Variants in NCAM2 observed in about 807,000 individuals in gnomAD.
The protein encoded by NCAM2 is N-CAM-2.
Under a neutral mutation model 98.1 loss-of-function variants are expected in NCAM2, and 30 were observed. The ratio of observed to expected loss-of-function variants is 0.31; its 90% confidence interval spans 0.23 to 0.41. The LOEUF (loss-of-function observed/expected upper bound fraction) is 0.41. NCAM2 is among the 10% of genes least tolerant of loss of function. NCAM2 has a pLI of 1.00. For missense variants in NCAM2, 867 were observed against 1,005.8 expected (o/e 0.86, Z 1.87); for synonymous variants, 368 against 342.4 (o/e 1.07, Z -0.83).
intron 1 of NCAM2, among the ~76,000 whole-genome samples, chr21:21,277,760 T>C (rs1031094558): frequency 1.3e-5 from 2 of 152,034 alleles, no homozygotes; most frequent in African/African-American, 4.8e-5. Context: ...TTTAGAAATA[T>C]ATGCATGCAG....
In NCAM2 at chr21:21,539,139, A is replaced by G. The variant is rs1162891334; in HGVS notation, c.*1182A>G. 2 of 152,220 alleles carry G rather than the reference A, an allele frequency of 1.3e-5. No homozygotes were observed. The highest frequency in any genetic ancestry group is 4.8e-5 in the African/African-American group (2 of 41,458). 9.4% of individuals were successfully genotyped at this position (152,220 alleles called of 1,614,324 possible). On this transcript the variant is annotated 3_prime_UTR_variant, in exon 18 of 18. Coordinates refer to ENST00000400546, the MANE Select transcript of NCAM2 (RefSeq NM_004540.5). ...ACAACTTTGGTTGAAGAAATTCCTT[A>G]AGTATTCAACACAAACTTTCTAATA...
chr21:21,189,324 G>A (rs2826727), intron 1 of NCAM2, among the ~76,000 whole-genome samples: 28,328 of 151,964 alleles, frequency 0.19, 3,188 homozygotes, highest in Non-Finnish European at 0.24. Flanking sequence ...TTTCTTAAAG[G>A]GTGCCTTTGA....
At chr21:21,497,399 A>G (rs1430331775) in intron 15 of NCAM2, among the ~76,000 whole-genome samples, 2 of 152,144 alleles carry the variant, frequency 1.3e-5, no homozygotes, top group East Asian at 3.8e-4. Flanking sequence ...TGCCATTCCT[A>G]TAATCTACTT....
chr21:21,346,836 G>A (rs2075203550), intron 8 of NCAM2, among the ~76,000 whole-genome samples: 1 of 151,840 alleles, frequency 6.6e-6, no homozygotes, highest in African/African-American at 2.4e-5. Flanking sequence ...AATGATAATG[G>A]AAGCACAAAA....
At chr21:21,529,826 A>G (rs1366553881) in intron 16 of NCAM2, among the ~76,000 whole-genome samples, 1 of 151,536 alleles carries the variant, frequency 6.6e-6, no homozygotes, top group African/African-American at 2.4e-5. Context: ...TATTTTAGTT[A>G]CAAAAGCAGT....
At chr21:21,498,619 T>C (rs1401559828) in intron 15 of NCAM2, among the ~76,000 whole-genome samples, 1 of 152,180 alleles carries the variant, frequency 6.6e-6, no homozygotes, top group African/African-American at 2.4e-5. Flanking sequence ...AGCTGAAAGA[T>C]GTAATGCCTT....
intron 1 of NCAM2, among the ~76,000 whole-genome samples, chr21:21,068,730 T>G (rs151083390): frequency 7.6e-4 from 115 of 152,288 alleles, no homozygotes; most frequent in Non-Finnish European, 1.3e-3. Flanking sequence ...GGTATTGCAT[T>G]TGTATGCAAT....
intron 1 of NCAM2, among the ~76,000 whole-genome samples, chr21:21,196,296 T>C (rs972478126): frequency 6.6e-6 from 1 of 152,178 alleles, no homozygotes; most frequent in East Asian, 1.9e-4. Context: ...CAATGACTGA[T>C]TGAGGCTGGG....
chr21:21,097,601 A>G (rs2066150303), intron 1 of NCAM2, among the ~76,000 whole-genome samples: 1 of 151,558 alleles, frequency 6.6e-6, no homozygotes, highest in Admixed American at 6.6e-5. Flanking sequence ...ACACTGCACA[A>G]ACTTGTATAC....
At chr21:21,168,477 A>G (rs1465178947) in intron 1 of NCAM2, among the ~76,000 whole-genome samples, 1 of 152,168 alleles carries the variant, frequency 6.6e-6, no homozygotes, top group Non-Finnish European at 1.5e-5. Context: ...GAAAAGACAT[A>G]CAGACTGGAA....
intron 1 of NCAM2, among the ~76,000 whole-genome samples, chr21:21,215,783 T>C (rs2069875819): frequency 6.6e-6 from 1 of 152,072 alleles, no homozygotes; most frequent in Admixed American, 6.6e-5. Context: ...TGTACATGCA[T>C]GCATGCCTGT....
chr21:21,373,470 G>A (rs2075965509), intron 8 of NCAM2, among the ~76,000 whole-genome samples: 1 of 151,840 alleles, frequency 6.6e-6, no homozygotes, highest in African/African-American at 2.4e-5. Flanking sequence ...TTTATTCAAA[G>A]CACAGGATAT....
intron 12 of NCAM2, among the ~76,000 whole-genome samples, chr21:21,441,948 G>T (rs1466807069): frequency 6.6e-6 from 1 of 152,192 alleles, no homozygotes. Context: ...GACATCTCCT[G>T]AGGGACTGTT....
intron 1 of NCAM2, among the ~76,000 whole-genome samples, chr21:21,038,885 A>G (rs1053232125): frequency 6.6e-6 from 1 of 152,086 alleles, no homozygotes; most frequent in Non-Finnish European, 1.5e-5. Flanking sequence ...ACATGGCAGA[A>G]CCTCTTTCTT....
rs1308538535 is a variant in NCAM2 at position 21,382,826 on chromosome 21, G to A, written c.1195+8813G>A. On this transcript the variant is annotated intron_variant, in intron 9 of 17. Transcript: ENST00000400546. The stretch of plus-strand genomic sequence containing the variant: ...ATTACAGGCGGGAGCCACTGCGACT[G>A]GCCCAAATAGTATTTTTTTTTTTTA... Among the ~76,000 whole-genome samples the A allele has an allele frequency of 3.3e-5, 5 of 151,828 alleles. No homozygotes were observed. In the South Asian group the frequency reaches 8.3e-4, roughly 25 times the overall value.
chr21:21,039,481 C>G (rs2064861744), intron 1 of NCAM2, among the ~76,000 whole-genome samples: 1 of 152,090 alleles, frequency 6.6e-6, no homozygotes, highest in South Asian at 2.1e-4. Flanking sequence ...GATAAATGCT[C>G]CAGGTGATGA....
intron 9 of NCAM2, among the ~76,000 whole-genome samples, chr21:21,388,128 G>A (rs898479253): frequency 2.0e-5 from 3 of 152,148 alleles, no homozygotes; most frequent in Non-Finnish European, 4.4e-5. Flanking sequence ...ATCATCTTAT[G>A]GTGATGGCAG....
intron 1 of NCAM2, among the ~76,000 whole-genome samples, chr21:21,185,936 G>A (rs978896419): frequency 1.3e-5 from 2 of 152,116 alleles, no homozygotes; most frequent in African/African-American, 4.8e-5. Context: ...TTAGAAGACA[G>A]GATCGTGATA....
intron 5 of NCAM2, among the ~76,000 whole-genome samples, chr21:21,298,732 TAA>T (rs1327740459): frequency 6.6e-6 from 1 of 151,762 alleles, no homozygotes; most frequent in African/African-American, 2.4e-5. Context: ...TTCTTTTCCT[TAA>T]GTCTCTATTT....
Sources: gnomAD v4.1 joint callset for allele counts (sites outside exome capture counted in the v4.1 genomes callset) on GRCh38, gnomAD v4.1.1 for gene constraint, MANE v1.5 for transcripts, NCBI Gene and HGNC (gene_info 2026-07-23, HGNC 2026-07-21) for gene names.